Variants in PIP5K1B observed in about 807,000 individuals in gnomAD.
The protein encoded by PIP5K1B is phosphatidylinositol-4-phosphate 5-kinase type 1 beta.
PIP5K1B carries 42 observed loss-of-function variants against 67.0 expected under a neutral mutation model. The observed-to-expected ratio is 0.63, with a 90% CI of 0.49 to 0.81. The LOEUF (loss-of-function observed/expected upper bound fraction) is 0.81, where lower values mean the gene tolerates loss of function less well. PIP5K1B is among the 30% of genes least tolerant of loss of function. The pLI is 0.00. For synonymous variants in PIP5K1B, 214 were observed against 231.4 expected, an observed-to-expected ratio of 0.92 and a Z score of 0.68; for missense variants, 459 against 646.3, an observed-to-expected ratio of 0.71 and a Z score of 3.14.
intron 14 of PIP5K1B, among the ~76,000 whole-genome samples, chr9:68,970,910 C>A (rs1165163788): frequency 6.6e-6 from 1 of 152,198 alleles, no homozygotes; most frequent in Non-Finnish European, 1.5e-5. Flanking sequence ...CAGTAGCATG[C>A]CAGAGCCCAC....
chr9:68,910,467 G>T (rs879400764), intron 8 of PIP5K1B, among the ~76,000 whole-genome samples: 1 of 152,162 alleles, frequency 6.6e-6, no homozygotes, highest in Non-Finnish European at 1.5e-5. Context: ...AAGATACAGG[G>T]TGTAGTGTTT....
At chr9:68,707,634 G>A (rs1433983411) in intron 1 of PIP5K1B, 1 of 152,204 alleles carries the variant, frequency 6.6e-6, no homozygotes, top group Non-Finnish European at 1.5e-5. Context: ...CAAGCAGTGG[G>A]AGTTTTCCAT....
intron 2 of PIP5K1B, among the ~76,000 whole-genome samples, chr9:68,790,598 A>G (rs1831906151): frequency 6.6e-6 from 1 of 151,924 alleles, no homozygotes; most frequent in East Asian, 1.9e-4. Flanking sequence ...ATGAGCGCGC[A>G]CACACACACA....
At chr9:68,817,696 G>A (rs1005506218) in intron 2 of PIP5K1B, among the ~76,000 whole-genome samples, 3 of 151,024 alleles carry the variant, frequency 2.0e-5, no homozygotes, top group African/African-American at 7.3e-5. Context: ...CACGGTGGGG[G>A]AGATAAGACC....
At chr9:68,892,079 G>T (rs528619194) in intron 7 of PIP5K1B, among the ~76,000 whole-genome samples, 79 of 152,224 alleles carry the variant, frequency 5.2e-4, no homozygotes, top group African/African-American at 1.9e-3. Flanking sequence ...AAACGTTATT[G>T]AAGGACATAA....
chr9:68,914,231 T>C (rs1564228307), intron 8 of PIP5K1B, among the ~76,000 whole-genome samples: 1 of 152,292 alleles, frequency 6.6e-6, no homozygotes. Flanking sequence ...ATGGATACTC[T>C]GTGGAGGAAA....
In PIP5K1B at chr9:68,897,011, A is replaced by C. The variant is rs1169675719; in HGVS notation, c.771+2373A>C. 5.3e-5 allele frequency among the ~76,000 whole-genome samples: 8 copies of C among 152,112 alleles called. No homozygotes were observed. The East Asian group carries it at 1.4e-3, about 26-fold the overall frequency. The stretch of plus-strand genomic sequence containing the variant: ...CTTCAGGTCATCCTCTGAAAGGCCA[A>C]CTCACTGGATGATTGCAATAGGATA... On this transcript the variant is annotated intron_variant, in intron 8 of 15. Coordinates refer to ENST00000265382, the MANE Select transcript of PIP5K1B (RefSeq NM_003558.4).
At chr9:68,775,757 G>A (rs1830885368) in intron 2 of PIP5K1B, among the ~76,000 whole-genome samples, 1 of 152,150 alleles carries the variant, frequency 6.6e-6, no homozygotes, top group African/African-American at 2.4e-5. Flanking sequence ...AGTTGGTTTT[G>A]GCTGTTTGGG....
In PIP5K1B at chr9:68,787,295, A is replaced by C. The variant is rs574902299; in HGVS notation, c.-85-31166A>C. 2.0e-5 allele frequency among the ~76,000 whole-genome samples: 3 copies of C among 152,336 alleles called. No individual in the cohort carries two copies. The East Asian group carries it at 5.8e-4, about 29-fold the overall frequency. ...AAAGGCCAGCAACAGGCAGTGTCTG[A>C]AAACTAGTCTGATATCATCACAGTC... On this transcript the variant is annotated intron_variant, in intron 2 of 15. Transcript: ENST00000265382.
intron 5 of PIP5K1B, among the ~76,000 whole-genome samples, chr9:68,871,497 G>C (rs991168771): frequency 6.6e-6 from 1 of 152,146 alleles, no homozygotes; most frequent in Non-Finnish European, 1.5e-5. Context: ...TAAGATATAT[G>C]TATTTTTAGA....
chr9:68,919,420 T>C (rs1225339382), intron 9 of PIP5K1B, 59 bp from the exon 10 acceptor site: 19 of 824,906 alleles, frequency 2.3e-5, no homozygotes, highest in Non-Finnish European at 3.4e-5. Context: ...GAAATGATTT[T>C]TTAACTTCCT....
At chr9:68,923,973 A>G (rs185536603) in intron 12 of PIP5K1B, among the ~76,000 whole-genome samples, 55 of 152,260 alleles carry the variant, frequency 3.6e-4, no homozygotes, top group African/African-American at 1.3e-3. Context: ...TAAACTAGCA[A>G]TGAGTTAAAG....
intron 7 of PIP5K1B, among the ~76,000 whole-genome samples, chr9:68,890,899 C>T (rs1824748439): frequency 6.6e-6 from 1 of 152,038 alleles, no homozygotes. Flanking sequence ...TATACTTGTC[C>T]TCTTGTAAAA....
At chr9:68,886,835 AAAC>A (rs1824501820) in intron 6 of PIP5K1B, among the ~76,000 whole-genome samples, 1 of 152,110 alleles carries the variant, frequency 6.6e-6, no homozygotes, top group African/African-American at 2.4e-5. Flanking sequence ...CCCTTAGAGA[AAAC>A]AACAAAGTCC....
At chr9:68,816,935 G>A (rs1423207644) in intron 2 of PIP5K1B, among the ~76,000 whole-genome samples, 2 of 152,200 alleles carry the variant, frequency 1.3e-5, no homozygotes. Flanking sequence ...TGGCAGATTT[G>A]ACTGTGTAAA....
intron 2 of PIP5K1B, among the ~76,000 whole-genome samples, chr9:68,768,015 C>T (rs935153430): frequency 6.6e-6 from 1 of 151,986 alleles, no homozygotes; most frequent in African/African-American, 2.4e-5. Context: ...AATGCATTCC[C>T]ATTTAAATCA....
intron 2 of PIP5K1B, chr9:68,784,729 A>T (rs1669432703): frequency 6.4e-6 from 1 of 156,688 alleles, no homozygotes; most frequent in African/African-American, 2.4e-5. Flanking sequence ...GAAGATGATG[A>T]TCATTTCTTG....
chr9:68,829,507 G>A (rs1000716689), intron 4 of PIP5K1B, among the ~76,000 whole-genome samples: 2 of 152,170 alleles, frequency 1.3e-5, no homozygotes, highest in Admixed American at 6.5e-5. Context: ...GAGGGCTGGC[G>A]CTACTGGCTT....
chr9:68,953,384 T>G (rs896126539), intron 14 of PIP5K1B, among the ~76,000 whole-genome samples: 4 of 152,242 alleles, frequency 2.6e-5, no homozygotes, highest in Non-Finnish European at 5.9e-5. Context: ...ATTTTGTTTC[T>G]TCTCCCTTTT....
Sources: allele counts gnomAD v4.1 joint callset (sites outside exome capture counted in the v4.1 genomes callset), GRCh38; gene constraint gnomAD v4.1.1; transcripts MANE v1.5; gene names NCBI Gene and HGNC (gene_info 2026-07-23, HGNC 2026-07-21).